The following LRRTM4 variants were observed in gnomAD, a reference collection of about 807,000 sequenced individuals.
LRRTM4 encodes the protein leucine-rich repeat transmembrane neuronal protein 4.
In LRRTM4, 25 loss-of-function variants were observed where a neutral mutation model predicts 47.6. The observed-to-expected ratio is 0.53, with a 90% CI of 0.38 to 0.73. The LOEUF (loss-of-function observed/expected upper bound fraction) is 0.73, where lower values mean the gene tolerates loss of function less well. LRRTM4 is among the 30% of genes least tolerant of loss of function. The pLI, the probability that LRRTM4 is intolerant of heterozygous loss-of-function variation, is 0.00. For synonymous variants in LRRTM4, 311 were observed against 269.5 expected, an observed-to-expected ratio of 1.15 and a Z score of -1.51; for missense variants, 638 against 713.4, an observed-to-expected ratio of 0.89 and a Z score of 1.20.
At chr2:77,205,853 A>G (rs1674109281) in intron 3 of LRRTM4, among the ~76,000 whole-genome samples, 1 of 152,002 alleles carries the variant, frequency 6.6e-6, no homozygotes, top group Non-Finnish European at 1.5e-5. Context: ...TTTTTGTTTT[A>G]GAGACAAGGT....
rs1679499736 is a variant in LRRTM4 at position 77,521,565 on chromosome 2, T to C, written c.4+103A>G. The C allele has an allele frequency of 3.7e-6, 5 of 1,339,462 alleles. No individual in the cohort carries two copies. The Admixed American group carries it at 7.0e-5, about 19-fold the overall frequency. The allele number at this position is 1,339,462 out of a possible 1,614,324, so 83.0% of individuals were successfully genotyped here. On this transcript the variant is annotated intron_variant, in intron 2 of 3. Coordinates refer to ENST00000409884, the MANE Select transcript of LRRTM4 (RefSeq NM_001134745.3). ...AACTGGCAAACTCAAAGGCTGCTGC[T>C]CTTTGCCTGTTTCCCCGTCTTTTAT...
At chr2:77,229,022 C>T (rs1674893043) in intron 3 of LRRTM4, among the ~76,000 whole-genome samples, 1 of 152,040 alleles carries the variant, frequency 6.6e-6, no homozygotes, top group Non-Finnish European at 1.5e-5. Context: ...ACAAATCATG[C>T]GATTGCTCCT....
intron 3 of LRRTM4, among the ~76,000 whole-genome samples, chr2:76,954,526 G>A (rs1050395827): frequency 6.6e-6 from 1 of 151,538 alleles, no homozygotes; most frequent in Non-Finnish European, 1.5e-5. Flanking sequence ...AAATGGAAAA[G>A]AGGGATGAAA....
chr2:77,172,099 T>C (rs1156394941), intron 3 of LRRTM4, among the ~76,000 whole-genome samples: 1 of 152,220 alleles, frequency 6.6e-6, no homozygotes, highest in Non-Finnish European at 1.5e-5. Flanking sequence ...CCTTCTCTTA[T>C]ACTTTCAAAT....
intron 3 of LRRTM4, among the ~76,000 whole-genome samples, chr2:77,315,949 G>C (rs719658): frequency 0.041 from 6,240 of 152,238 alleles, 193 homozygotes; most frequent in Non-Finnish European, 0.066. Flanking sequence ...AAAGTAATTA[G>C]CAAACATAGG....
chr2:76,796,273 TAA>T (rs1675319841), intron 3 of LRRTM4, among the ~76,000 whole-genome samples: 2 of 72,886 alleles, frequency 2.7e-5, no homozygotes, highest in South Asian at 1.0e-3. Flanking sequence ...CTTGATTAGG[TAA>T]ACAAAGCAGC....
intron 3 of LRRTM4, among the ~76,000 whole-genome samples, chr2:76,906,560 T>A (rs1160101877): frequency 6.6e-6 from 1 of 152,072 alleles, no homozygotes; most frequent in Admixed American, 6.5e-5. Flanking sequence ...GCAAATTGGA[T>A]AAAGAGTCAA....
At position 76,824,895 on chromosome 2, in the gene LRRTM4, G is replaced by C. The variant is rs949612333; in HGVS notation, c.1552-75979C>G. On this transcript the variant is annotated intron_variant, in intron 3 of 3. Transcript: ENST00000409884. ...GAAGCAATGGGAACAAAAGTAATCAGGACAGATTTCACAGCATACATCTAG... is the reference window on the plus strand; with the variant it reads ...GAAGCAATGGGAACAAAAGTAATCACGACAGATTTCACAGCATACATCTAG... 8.6e-5 allele frequency among the ~76,000 whole-genome samples: 13 copies of C among 151,658 alleles called. 1 individual carries two copies. In the East Asian group the frequency reaches 1.7e-3, roughly 20 times the overall value.
intron 3 of LRRTM4, among the ~76,000 whole-genome samples, chr2:76,778,221 C>CT (rs1484582037): frequency 2.1e-5 from 3 of 140,896 alleles, no homozygotes; most frequent in Non-Finnish European, 4.6e-5. Flanking sequence ...CTAAAATTCT[C>CT]TTTTTTGGTT....
intron 3 of LRRTM4, among the ~76,000 whole-genome samples, chr2:77,178,053 A>C (rs1673247463): frequency 6.6e-6 from 1 of 152,214 alleles, no homozygotes; most frequent in African/African-American, 2.4e-5. Context: ...CATGCTTAGA[A>C]GAGTGCCTGA....
At chr2:76,816,172 T>C (rs1195198736) in intron 3 of LRRTM4, among the ~76,000 whole-genome samples, 3 of 152,058 alleles carry the variant, frequency 2.0e-5, no homozygotes, top group African/African-American at 4.8e-5. Flanking sequence ...TACAGAAAGA[T>C]TGTTTGTATG....
chr2:77,241,960 T>A (rs577880597), intron 3 of LRRTM4, among the ~76,000 whole-genome samples: 1 of 152,280 alleles, frequency 6.6e-6, no homozygotes, highest in Middle Eastern at 3.4e-3. Context: ...TGAAAGGGCT[T>A]ATTTCTGGGT....
chr2:76,860,510 T>C (rs1023954608), intron 3 of LRRTM4, among the ~76,000 whole-genome samples: 2 of 152,016 alleles, frequency 1.3e-5, no homozygotes, highest in Admixed American at 1.3e-4. Context: ...CCTTGTGCCA[T>C]AGGTTAGATG....
At chr2:77,099,954 AAGTATTAATAAC>A (rs1453508751) in intron 3 of LRRTM4, among the ~76,000 whole-genome samples, 5 of 152,158 alleles carry the variant, frequency 3.3e-5, no homozygotes, top group Non-Finnish European at 7.4e-5. Context: ...GTCAAAAACA[AAGTATTAATAAC>A]AGTTTTTTTA....
intron 3 of LRRTM4, among the ~76,000 whole-genome samples, chr2:77,219,006 AGAGTATTGAAATCCCTGT>A (rs1364075620): frequency 6.6e-6 from 1 of 152,254 alleles, no homozygotes; most frequent in Non-Finnish European, 1.5e-5. Context: ...CTGGAATGAC[AGAGTATTGAAATCCCTGT>A]GAGAAATATT....
At chr2:76,958,663 T>C (rs1232726867) in intron 3 of LRRTM4, among the ~76,000 whole-genome samples, 1 of 151,742 alleles carries the variant, frequency 6.6e-6, no homozygotes, top group African/African-American at 2.4e-5. Flanking sequence ...TTTGTTTCAT[T>C]TGAATCAAGA....
intron 3 of LRRTM4, among the ~76,000 whole-genome samples, chr2:77,345,353 G>A (rs888897856): frequency 6.6e-6 from 1 of 151,626 alleles, no homozygotes; most frequent in Non-Finnish European, 1.5e-5. Context: ...AGTAGGAGAA[G>A]GAAAAGGCAA....
chr2:77,347,917 A>G (rs1671626706), intron 3 of LRRTM4, among the ~76,000 whole-genome samples: 1 of 152,020 alleles, frequency 6.6e-6, no homozygotes, highest in Non-Finnish European at 1.5e-5. Context: ...TACATAATTA[A>G]TGATGCTTGA....
At chr2:76,913,731 G>T (rs1021597636) in intron 3 of LRRTM4, among the ~76,000 whole-genome samples, 3 of 151,742 alleles carry the variant, frequency 2.0e-5, no homozygotes, top group African/African-American at 7.3e-5. Context: ...TAGCGATAGG[G>T]TTTCGCCATG....
Sources: gnomAD v4.1 joint callset for allele counts (sites outside exome capture counted in the v4.1 genomes callset) on GRCh38, gnomAD v4.1.1 for gene constraint, MANE v1.5 for transcripts, NCBI Gene and HGNC (gene_info 2026-07-23, HGNC 2026-07-21) for gene names.